YAF2: variants seen among roughly 807,000 people sequenced by gnomAD.
The protein encoded by YAF2 is YY1-associated factor 2.
YAF2 carries 7 observed loss-of-function variants against 20.1 expected under a neutral mutation model. The ratio of observed to expected loss-of-function variants is 0.35; its 90% CI spans 0.20 to 0.65. The LOEUF (loss-of-function observed/expected upper bound fraction) is 0.65. YAF2 is among the 30% of genes least tolerant of loss of function. The pLI, the probability that YAF2 is intolerant of heterozygous loss-of-function variation, is 0.69. For missense variants in YAF2, 151 were observed against 219.2 expected (o/e 0.69, Z 1.96); for synonymous variants, 74 against 76.0 (o/e 0.97, Z 0.14).
chr12:42,160,302 A>T lies in YAF2; in HGVS notation c.*287T>A. Reference sequence around the variant, plus strand: ...ATTCAAGAATTATGTGTTAGAATTCACTAAACTAAAAGTGAAAATACACTT... The same window carrying T: ...ATTCAAGAATTATGTGTTAGAATTCTCTAAACTAAAAGTGAAAATACACTT... On this transcript the variant is annotated 3_prime_UTR_variant, in exon 4 of 4. Coordinates refer to ENST00000534854, the MANE Select transcript of YAF2 (RefSeq NM_005748.6). 3.2e-6 allele frequency: 1 copy of T among 309,678 alleles called. No homozygotes were observed. The allele number at this position is 309,678 out of a possible 1,614,324, so 19.2% of individuals were successfully genotyped here.
intron 2 of YAF2, among the ~76,000 whole-genome samples, chr12:42,162,861 C>T (rs929188330): frequency 2.0e-5 from 3 of 152,022 alleles, no homozygotes; most frequent in African/African-American, 7.2e-5. Flanking sequence ...AAAGGATATC[C>T]AGGACAGATG....
intron 2 of YAF2, among the ~76,000 whole-genome samples, chr12:42,211,334 C>T (rs895611801): frequency 2.7e-5 from 4 of 145,674 alleles, no homozygotes; most frequent in Non-Finnish European, 5.9e-5. Flanking sequence ...GGCTGAGGCA[C>T]GAGAACTGCT....
chr12:42,210,503 G>C lies in YAF2; in HGVS notation c.152+27096C>G. 2.0e-6 allele frequency: 3 copies of C among 1,535,962 alleles called. No individual in the cohort carries two copies. In the Middle Eastern group the frequency reaches 5.0e-4, roughly 257 times the overall value. On this transcript the variant is annotated intron_variant, in intron 2 of 3. Transcript: ENST00000534854. ...GTATATGTAAGAAAGTTTGGGGGAGGGGATTTGGGAGATGCTAGAGACATG... is the reference window on the plus strand; with the variant it reads ...GTATATGTAAGAAAGTTTGGGGGAGCGGATTTGGGAGATGCTAGAGACATG...
chr12:42,193,675 T>G (rs1474718845), intron 2 of YAF2, among the ~76,000 whole-genome samples: 1 of 152,078 alleles, frequency 6.6e-6, no homozygotes, highest in African/African-American at 2.4e-5. Flanking sequence ...GCTAATTTTT[T>G]TGTATTTTTG....
intron 2 of YAF2, among the ~76,000 whole-genome samples, chr12:42,172,402 G>A (rs1166458693): frequency 6.6e-6 from 1 of 152,148 alleles, no homozygotes; most frequent in Non-Finnish European, 1.5e-5. Context: ...TCAGCAGATG[G>A]GCTAGAGCCT....
At chr12:42,234,946 C>T in intron 2 of YAF2, 1 of 953,424 alleles carries the variant, frequency 1.0e-6, no homozygotes. Flanking sequence ...CTGGATGATG[C>T]CACTGCAACC....
rs2065744733 is a variant in YAF2 at position 42,158,666 on chromosome 12, C to G, written c.*1923G>C. ...TCTCCATGCTACACCGTGTTCCCGT[C>G]TATGTAGAAAGATGAGTATCTTCCC... On this transcript the variant is annotated 3_prime_UTR_variant, in exon 4 of 4. Transcript: ENST00000534854. 6.6e-6 allele frequency: 1 copy of G among 152,138 alleles called. No individual in the cohort carries two copies. The highest frequency in any genetic ancestry group is 2.4e-5 in the African/African-American group (1 of 41,436). The allele number at this position is 152,138 out of a possible 1,614,324, so 9.4% of individuals were successfully genotyped here. A position where few individuals can be genotyped will look rare whatever the true frequency, so the allele number is the denominator to read the frequency against.
intron 2 of YAF2, among the ~76,000 whole-genome samples, chr12:42,225,450 G>T (rs922123805): frequency 6.6e-6 from 1 of 152,146 alleles, no homozygotes. Flanking sequence ...CCTATGTCCT[G>T]AATAGTTTTT....
intron 2 of YAF2, among the ~76,000 whole-genome samples, chr12:42,215,431 A>T (rs937797832): frequency 1.3e-5 from 2 of 152,176 alleles, no homozygotes; most frequent in Non-Finnish European, 2.9e-5. Context: ...AAAAGAAAAA[A>T]AACTCCAGTG....
At chr12:42,210,821 A>T in intron 2 of YAF2, 1 of 672,390 alleles carries the variant, frequency 1.5e-6, no homozygotes. Flanking sequence ...ATATAATGTC[A>T]GTGGAAACTT....
intron 2 of YAF2, among the ~76,000 whole-genome samples, chr12:42,185,528 A>C (rs778818702): frequency 2.6e-5 from 4 of 152,208 alleles, no homozygotes; most frequent in African/African-American, 4.8e-5. Context: ...GGAAGAGTTA[A>C]TCAATGTGGA....
intron 2 of YAF2, among the ~76,000 whole-genome samples, chr12:42,203,415 T>G (rs530516691): frequency 1.3e-5 from 2 of 152,304 alleles, no homozygotes; most frequent in African/African-American, 4.8e-5. Context: ...TTCCAATCCT[T>G]TTGGATTTTC....
chr12:42,229,418 A>C, intron 2 of YAF2, among the ~76,000 whole-genome samples: 1 of 124,680 alleles, frequency 8.0e-6, no homozygotes, highest in South Asian at 2.6e-4. Context: ...TAAAAAAATA[A>C]ATTAAAAAAA....
chr12:42,226,306 A>C (rs1290514585), intron 2 of YAF2, among the ~76,000 whole-genome samples: 1 of 152,228 alleles, frequency 6.6e-6, no homozygotes, highest in Non-Finnish European at 1.5e-5. Flanking sequence ...ACAATATTAT[A>C]CAACTTGCCA....
intron 2 of YAF2, among the ~76,000 whole-genome samples, chr12:42,213,985 G>A (rs372210539): frequency 1.1e-4 from 16 of 152,256 alleles, no homozygotes; most frequent in Middle Eastern, 6.8e-3. Flanking sequence ...AGCCCAACTA[G>A]TCTTTCTATT....
chr12:42,180,127 G>A (rs185844345), intron 2 of YAF2, among the ~76,000 whole-genome samples: 6 of 152,282 alleles, frequency 3.9e-5, no homozygotes, highest in African/African-American at 1.4e-4. Flanking sequence ...AGTAATCCCT[G>A]CCTCCTGGTA....
chr12:42,175,759 A>AAAAAAAAAAAAAAAAAAAAAAAAAT (rs2066171681), intron 2 of YAF2, among the ~76,000 whole-genome samples: 1 of 149,224 alleles, frequency 6.7e-6, no homozygotes, highest in Non-Finnish European at 1.5e-5. Context: ...AAAAAAAAAA[A>AAAAAAAAAAAAAAAAAAAAAAAAAT]AAAAAAAAAA....
intron 2 of YAF2, among the ~76,000 whole-genome samples, chr12:42,177,197 T>C (rs759888468): frequency 2.6e-5 from 4 of 152,222 alleles, no homozygotes; most frequent in Non-Finnish European, 5.9e-5. Flanking sequence ...CTATGTGATA[T>C]AGGCTCTTCC....
intron 2 of YAF2, among the ~76,000 whole-genome samples, chr12:42,167,628 T>C (rs2065946365): frequency 6.6e-6 from 1 of 152,248 alleles, no homozygotes; most frequent in Middle Eastern, 3.2e-3. Context: ...AATATTACTG[T>C]ATTAGAATTA....
Sources: gnomAD v4.1 joint callset for allele counts (sites outside exome capture counted in the v4.1 genomes callset) on GRCh38, gnomAD v4.1.1 for gene constraint, MANE v1.5 for transcripts, NCBI Gene and HGNC (gene_info 2026-07-23, HGNC 2026-07-21) for gene names.